CCDC102B: variants seen among roughly 807,000 people sequenced by gnomAD.
CCDC102B encodes the protein coiled-coil domain containing 102B, also known as coiled-coil domain-containing protein 102B.
A neutral mutation model predicts 57.4 loss-of-function variants in CCDC102B; 75 were observed. That is an observed-to-expected ratio of 1.31 (90% confidence interval 1.08 to 1.58). The LOEUF is 1.58. Ranked by LOEUF, CCDC102B falls within the 40% of genes most tolerant of loss-of-function variation. The pLI is 0.00. For synonymous variants in CCDC102B, 206 were observed against 201.9 expected, an observed-to-expected ratio of 1.02 and a Z score of -0.17; for missense variants, 636 against 582.6, an observed-to-expected ratio of 1.09 and a Z score of -0.94.
intron 6 of CCDC102B, among the ~76,000 whole-genome samples, chr18:68,998,845 C>G (rs2051109078): frequency 6.6e-6 from 1 of 151,944 alleles, no homozygotes; most frequent in Non-Finnish European, 1.5e-5. Flanking sequence ...CTGCATCACC[C>G]AGTTCACTGA....
intron 7 of CCDC102B, among the ~76,000 whole-genome samples, chr18:69,019,065 G>T (rs1398383757): frequency 2.6e-5 from 4 of 151,920 alleles, no homozygotes; most frequent in African/African-American, 9.7e-5. Flanking sequence ...GTTCATTTCT[G>T]GTTCTCTATT....
chr18:68,733,737 T>C (rs1384219648), intron 2 of CCDC102B, among the ~76,000 whole-genome samples: 1 of 152,072 alleles, frequency 6.6e-6, no homozygotes, highest in South Asian at 2.1e-4. Flanking sequence ...TCCAAATTCC[T>C]TTATAACTTC....
intron 2 of CCDC102B, among the ~76,000 whole-genome samples, chr18:68,738,407 A>G (rs1464253189): frequency 1.3e-5 from 2 of 152,214 alleles, no homozygotes; most frequent in Non-Finnish European, 1.5e-5. Flanking sequence ...ATACGGGTCT[A>G]TCCCATCCAA....
upstream of CCDC102B, among the ~76,000 whole-genome samples, chr18:68,793,835 G>A (rs900622254): frequency 6.6e-6 from 1 of 152,084 alleles, no homozygotes; most frequent in African/African-American, 2.4e-5. Context: ...CACCAGTATA[G>A]CTTTAGCTGT....
At chr18:68,836,372 G>A (rs1471568735) in intron 1 of CCDC102B, among the ~76,000 whole-genome samples, 4 of 152,144 alleles carry the variant, frequency 2.6e-5, no homozygotes, top group Admixed American at 1.3e-4. Context: ...GCTCACGCCT[G>A]TAATCCCAGC....
At chr18:68,982,234 A>G (rs1442505655) in intron 6 of CCDC102B, among the ~76,000 whole-genome samples, 1 of 150,354 alleles carries the variant, frequency 6.7e-6, no homozygotes, top group Non-Finnish European at 1.5e-5. Flanking sequence ...CATTCCTAAC[A>G]GTGTAAAAAA....
upstream of CCDC102B, among the ~76,000 whole-genome samples, chr18:68,794,018 C>T (rs548115061): frequency 1.8e-4 from 28 of 152,248 alleles, no homozygotes; most frequent in South Asian, 5.8e-3. Context: ...ATTTATTCCC[C>T]ATTGTTTCTC....
chr18:68,781,718 G>A (rs146693385), intron 2 of CCDC102B, among the ~76,000 whole-genome samples: 89 of 152,176 alleles, frequency 5.8e-4, no homozygotes, highest in African/African-American at 1.9e-3. Context: ...TTTAAAAATT[G>A]TCTAGAGCTT....
chr18:68,921,343 A>G (rs2041272891), intron 6 of CCDC102B, among the ~76,000 whole-genome samples: 1 of 152,102 alleles, frequency 6.6e-6, no homozygotes, highest in Non-Finnish European at 1.5e-5. Context: ...GAGTTTCCCC[A>G]CACAAGCTCT....
At chr18:68,956,361 A>ATATATAT (rs2049856869) in intron 6 of CCDC102B, among the ~76,000 whole-genome samples, 4 of 53,490 alleles carry the variant, frequency 7.5e-5, no homozygotes, top group African/African-American at 2.7e-4. Context: ...AATATATATA[A>ATATATAT]TATATATATA....
intron 2 of CCDC102B, among the ~76,000 whole-genome samples, chr18:68,722,977 C>G (rs1434190398): frequency 6.7e-6 from 1 of 148,838 alleles, no homozygotes; most frequent in Non-Finnish European, 1.5e-5. Context: ...TCCTTTCTCA[C>G]ACAGCTGTGA....
chr18:68,734,057 A>T (rs1298161424), intron 2 of CCDC102B, among the ~76,000 whole-genome samples: 2 of 152,260 alleles, frequency 1.3e-5, no homozygotes, highest in African/African-American at 4.8e-5. Context: ...AAGCTCTTTA[A>T]GACAAGATTT....
chr18:68,861,546 A>G (rs1291814723), intron 4 of CCDC102B, among the ~76,000 whole-genome samples: 3 of 152,186 alleles, frequency 2.0e-5, no homozygotes, highest in Admixed American at 2.0e-4. Flanking sequence ...TATCTTACCT[A>G]CTGAGTACTG....
chr18:69,051,709 T>C (rs1294741482), intron 7 of CCDC102B, among the ~76,000 whole-genome samples: 1 of 152,004 alleles, frequency 6.6e-6, no homozygotes, highest in African/African-American at 2.4e-5. Context: ...TCAGACTTTA[T>C]AAAAGAAACT....
chr18:68,928,265 A>G (rs1259796871), intron 6 of CCDC102B, among the ~76,000 whole-genome samples: 1 of 151,958 alleles, frequency 6.6e-6, no homozygotes, highest in Non-Finnish European at 1.5e-5. Context: ...GATTATCAGC[A>G]TGGATTTCAG....
downstream of CCDC102B, among the ~76,000 whole-genome samples, chr18:69,056,647 A>AGATG (rs1236276260): frequency 0.013 from 1,914 of 150,558 alleles, 11 homozygotes; most frequent in Non-Finnish European, 0.016. Context: ...ATAGATAGAT[A>AGATG]GATAGATAGA....
At chr18:69,051,791 T>C (rs1240354723) in intron 7 of CCDC102B, among the ~76,000 whole-genome samples, 1 of 152,022 alleles carries the variant, frequency 6.6e-6, no homozygotes, top group Non-Finnish European at 1.5e-5. Flanking sequence ...AAAAGTCTAT[T>C]CAATATTTGC....
At chr18:68,741,251 A>G (rs977297005) in intron 2 of CCDC102B, among the ~76,000 whole-genome samples, 4 of 152,184 alleles carry the variant, frequency 2.6e-5, no homozygotes, top group Non-Finnish European at 4.4e-5. Context: ...CTTCCATCCA[A>G]TGGTGTCCAG....
chr18:68,817,056 G>A (rs2036514284), intron 1 of CCDC102B, among the ~76,000 whole-genome samples: 1 of 152,150 alleles, frequency 6.6e-6, no homozygotes, highest in Non-Finnish European at 1.5e-5. Flanking sequence ...CAAAAATTAT[G>A]CTATTTTCCA....
Sources: gnomAD v4.1 joint callset for allele counts (sites outside exome capture counted in the v4.1 genomes callset) on GRCh38, gnomAD v4.1.1 for gene constraint, MANE v1.5 for transcripts, NCBI Gene and HGNC (gene_info 2026-07-23, HGNC 2026-07-21) for gene names.